ANKRD36: variants seen among roughly 807,000 people sequenced by gnomAD.
The protein encoded by ANKRD36 is ankyrin repeat domain 36.
Under a neutral mutation model 278.1 loss-of-function variants are expected in ANKRD36, and 179 were observed. That is an observed-to-expected ratio of 0.64 (90% CI 0.57 to 0.73). The LOEUF (loss-of-function observed/expected upper bound fraction) is 0.73. ANKRD36 is among the 30% of genes least tolerant of loss of function. The pLI is 0.00. For synonymous variants in ANKRD36, 320 were observed against 641.1 expected, an observed-to-expected ratio of 0.50 and a Z score of 7.57; for missense variants, 1,159 against 1,956.7, an observed-to-expected ratio of 0.59 and a Z score of 7.69.
intron 15 of ANKRD36, among the ~76,000 whole-genome samples, chr2:97,155,310 C>G (rs79906145): frequency 2.1e-5 from 3 of 143,936 alleles, no homozygotes; most frequent in Non-Finnish European, 3.1e-5. Context: ...AATAATATTA[C>G]AAATTGTGGA....
chr2:97,145,417 G>T (rs1038506869), intron 10 of ANKRD36, among the ~76,000 whole-genome samples: 2 of 151,932 alleles, frequency 1.3e-5, no homozygotes, highest in African/African-American at 2.4e-5. Context: ...TGTTATCAGT[G>T]AGTCAAATGA....
At position 97,172,831 on chromosome 2, in the gene ANKRD36, ATG is replaced by A. The variant is rs368506104; in HGVS notation, c.1633+5090_1633+5091del. On this transcript the variant is annotated intron_variant, in intron 22 of 75. Coordinates refer to ENST00000420699, the MANE Select transcript of ANKRD36 (RefSeq NM_001354587.1). ...ATATTGCTCTGGTTTTTGTGTGTGAATGTGTGTGTGTGTGTGTGTGTGTGTGT... is the reference window on the plus strand; with the variant it reads ...ATATTGCTCTGGTTTTTGTGTGTGAATGTGTGTGTGTGTGTGTGTGTGTGT... 3.6e-3 allele frequency among the ~76,000 whole-genome samples: 530 copies of A among 146,402 alleles called. 7 individuals carry two copies. The highest frequency in any genetic ancestry group is 7.6e-3 in the African/African-American group (298 of 39,452).
chr2:97,220,050 A>G (rs1378440770), intron 66 of ANKRD36, among the ~76,000 whole-genome samples: 6 of 102,872 alleles, frequency 5.8e-5, no homozygotes, highest in African/African-American at 8.6e-5. Flanking sequence ...TGATTAGCAC[A>G]CTGTGTGTGT....
Position 97,145,059 on chromosome 2 carries a change from C to T in ANKRD36, c.1003+347C>T, listed in dbSNP as rs573591875. ...GATGAAGTACTAGAAATTATAGGCG[C>T]CTGATCACATTGCTAAAACCAGAGG... On this transcript the variant is annotated intron_variant, in intron 10 of 75. Transcript: ENST00000420699. Among the ~76,000 whole-genome samples the T allele has an allele frequency of 2.6e-5, 4 of 152,010 alleles. No individual in the cohort carries two copies. The East Asian group carries it at 7.7e-4, about 29-fold the overall frequency.
At chr2:97,153,334 T>G (rs1414030822) in intron 14 of ANKRD36, among the ~76,000 whole-genome samples, 2 of 152,094 alleles carry the variant, frequency 1.3e-5, no homozygotes, top group Non-Finnish European at 2.9e-5. Context: ...CTTTTTACTT[T>G]CTTTTCTGCT....
rs1398912224 is a variant in ANKRD36, at chr2:97,260,507, G to A, written c.*7-3822G>A. Among the ~76,000 whole-genome samples, 96 of 132,800 alleles carry A rather than the reference G, an allele frequency of 7.2e-4. 2 individuals carry two copies. The East Asian group carries it at 1.0e-2, about 14-fold the overall frequency. The allele number at this position is 132,800 out of a possible 152,430, so 87.1% of individuals were successfully genotyped here. The stretch of plus-strand genomic sequence containing the variant: ...ATATTTGGTAAACCATACTGTAAAC[G>A]ATGTGTTTTCATCCAGGCTTTGTTG... On this transcript the variant is annotated intron_variant, in intron 75 of 75. Coordinates refer to ENST00000420699, the MANE Select transcript of ANKRD36 (RefSeq NM_001354587.1).
chr2:97,191,974 T>G (rs981898968), intron 36 of ANKRD36, among the ~76,000 whole-genome samples: 1 of 151,760 alleles, frequency 6.6e-6, no homozygotes, highest in African/African-American at 2.4e-5. Flanking sequence ...TTAATGAAAC[T>G]TCTTTAGAGA....
In ANKRD36 at chr2:97,185,308, C is replaced by G; in HGVS notation, c.1940-8C>G. ...TATGAGTGATTATGTATCCCTTTTG[C>G]TTTTCAGTGTCTTCTCAGAAACAAC... On this transcript the variant is annotated splice_region_variant and splice_polypyrimidine_tract_variant and intron_variant, in intron 28 of 75. Coordinates refer to ENST00000420699, the MANE Select transcript of ANKRD36 (RefSeq NM_001354587.1). 6.2e-7 allele frequency: 1 copy of G among 1,600,016 alleles called. No homozygotes were observed. Among genetic ancestry groups the G allele is most frequent in the South Asian group, 1.1e-5 (1 of 90,708 alleles).
chr2:97,145,042 A>G (rs2153454640), intron 10 of ANKRD36, among the ~76,000 whole-genome samples: 1 of 152,144 alleles, frequency 6.6e-6, no homozygotes, highest in Admixed American at 6.6e-5. Context: ...AAGATGAAGT[A>G]CTAGAAATTA....
chr2:97,145,580 A>T (rs375181543), intron 10 of ANKRD36, among the ~76,000 whole-genome samples: 1 of 152,022 alleles, frequency 6.6e-6, no homozygotes, highest in Non-Finnish European at 1.5e-5. Context: ...TTTAATTGAC[A>T]CCTAAAATAT....
intron 42 of ANKRD36, among the ~76,000 whole-genome samples, chr2:97,197,375 C>T (rs188607737): frequency 1.4e-3 from 218 of 152,034 alleles, no homozygotes; most frequent in Non-Finnish European, 9.3e-4. Context: ...ATTTTGGCTG[C>T]TGCAGGAACT....
chr2:97,142,759 T>C lies in ANKRD36; in HGVS notation c.829-4T>C. ...TTGATTATTTTGTTTCAAATCCCAC[T>C]CAGGCTACAAGTGGCAAGGAAGATT... On this transcript the variant is annotated splice_region_variant and splice_polypyrimidine_tract_variant and intron_variant, in intron 7 of 75. Coordinates refer to ENST00000420699, the MANE Select transcript of ANKRD36 (RefSeq NM_001354587.1). The C allele has an allele frequency of 6.3e-7, 1 of 1,593,678 alleles. No individual in the cohort carries two copies. Among genetic ancestry groups the C allele is most frequent in the Non-Finnish European group, 8.5e-7 (1 of 1,170,584 alleles).
At chr2:97,179,974 A>G in intron 24 of ANKRD36, 41 bp downstream of exon 24, 1 of 1,601,072 alleles carries the variant, frequency 6.2e-7, no homozygotes, top group East Asian at 2.2e-5. Context: ...TTCAATCAAG[A>G]TGGAAGAGAA....
At chr2:97,228,166 G>T (rs2070568981) in intron 67 of ANKRD36, among the ~76,000 whole-genome samples, 2 of 152,094 alleles carry the variant, frequency 1.3e-5, no homozygotes, top group African/African-American at 4.8e-5. Flanking sequence ...GAGTTAGGGA[G>T]GGTTCCCTCT....
rs1177432977 is a variant in ANKRD36, at chr2:97,143,037, C to G, written c.901+202C>G. Among the ~76,000 whole-genome samples the G allele has an allele frequency of 2.0e-5, 3 of 151,718 alleles. No individual in the cohort carries two copies. In the South Asian group the frequency reaches 6.3e-4, roughly 32 times the overall value. On this transcript the variant is annotated intron_variant, in intron 8 of 75. Transcript: ENST00000420699. ...CTCAGTATTAAGATTATGTTCTTCC[C>G]CACAGTGAAATTGGCAAGAATGATT...
At chr2:97,258,894 A>G (rs1384885123) in intron 75 of ANKRD36, among the ~76,000 whole-genome samples, 11 of 142,272 alleles carry the variant, frequency 7.7e-5, no homozygotes, top group Non-Finnish European at 1.1e-4. Context: ...TCATACCTCA[A>G]TGTTGTCATC....
chr2:97,174,873 A>G (rs1210523397), intron 22 of ANKRD36, among the ~76,000 whole-genome samples: 1 of 151,038 alleles, frequency 6.6e-6, no homozygotes, highest in African/African-American at 2.4e-5. Flanking sequence ...TTCTGCATCT[A>G]TTGAGATAAT....
chr2:97,210,444 T>A (rs1275916489), intron 56 of ANKRD36, among the ~76,000 whole-genome samples: 1 of 151,852 alleles, frequency 6.6e-6, no homozygotes, highest in East Asian at 2.0e-4. Context: ...CATTAAAAAA[T>A]TTGATTTTGG....
At chr2:97,199,340 A>G (rs1558702960) in intron 44 of ANKRD36, among the ~76,000 whole-genome samples, 1 of 151,914 alleles carries the variant, frequency 6.6e-6, no homozygotes, top group Non-Finnish European at 1.5e-5. Context: ...TCAGAGATAC[A>G]TGTTTTGTTG....
Sources: gnomAD v4.1 joint callset for allele counts (sites outside exome capture counted in the v4.1 genomes callset) on GRCh38, gnomAD v4.1.1 for gene constraint, MANE v1.5 for transcripts, NCBI Gene and HGNC (gene_info 2026-07-23, HGNC 2026-07-21) for gene names.